The following PGLYRP4 variants were observed in gnomAD, a reference collection of about 807,000 sequenced individuals.
The protein encoded by PGLYRP4 is PGRP-I-beta.
Under a neutral mutation model 41.2 loss-of-function variants are expected in PGLYRP4, and 39 were observed. That is an observed-to-expected ratio of 0.95 (90% CI 0.73 to 1.24). The LOEUF is 1.24. PGLYRP4 is among the 50% of genes most tolerant of loss of function. The probability of loss-of-function intolerance (pLI) is 0.00; values close to 1 mark genes in which losing one functional copy is unlikely to be tolerated. For synonymous variants in PGLYRP4, 202 were observed against 186.8 expected (o/e 1.08, Z -0.66); for missense variants, 467 against 460.7 (o/e 1.01, Z -0.13).
At chr1:153,339,594 C>T (rs142767754) in intron 7 of PGLYRP4, among the ~76,000 whole-genome samples, 20 of 152,288 alleles carry the variant, frequency 1.3e-4, no homozygotes, top group South Asian at 4.1e-4. Context: ...TGGGGTCTAA[C>T]GCCGGATGTC....
chr1:153,334,160 T>C (rs925177417), intron 8 of PGLYRP4, among the ~76,000 whole-genome samples: 11 of 151,962 alleles, frequency 7.2e-5, no homozygotes, highest in African/African-American at 2.7e-4. Flanking sequence ...CCCTCAAGAC[T>C]CCTTCAAAAG....
In PGLYRP4 at chr1:153,347,980, TGA is replaced by T. The variant is rs1283170391; in HGVS notation, c.-46-4_-46-3del. The T allele has an allele frequency of 2.0e-6, 3 of 1,465,560 alleles. No individual in the cohort carries two copies. The highest frequency in any genetic ancestry group is 2.9e-6 in the Non-Finnish European group (3 of 1,049,630). 90.8% of individuals were successfully genotyped at this position (1,465,560 alleles called of 1,614,324 possible). On this transcript the variant is annotated splice_polypyrimidine_tract_variant and splice_region_variant and intron_variant, in intron 1 of 8. Transcript: ENST00000359650. Reference sequence around the variant, plus strand: ...AATCTGGAGAGTGTGGATGGCAGCCTGAGAGAGACGCTGACAGTTGTTAACAT... The same window carrying T: ...AATCTGGAGAGTGTGGATGGCAGCCTGAGAGACGCTGACAGTTGTTAACAT...
At chr1:153,344,953 C>T in intron 4 of PGLYRP4, 2 of 552,624 alleles carry the variant, frequency 3.6e-6, no homozygotes, top group Non-Finnish European at 6.5e-6. Flanking sequence ...TATTACTTAA[C>T]CTTCCTTGCT....
chr1:153,335,140 A>G (rs1660501720), intron 8 of PGLYRP4, among the ~76,000 whole-genome samples: 1 of 151,852 alleles, frequency 6.6e-6, no homozygotes, highest in Admixed American at 6.6e-5. Flanking sequence ...GCCTAGGCAA[A>G]GCATTTATGA....
In PGLYRP4 at chr1:153,345,179, C is replaced by G. The variant is rs761522051; in HGVS notation, c.343G>C (p.Val115Leu). 6.2e-7 allele frequency: 1 copy of G among 1,610,698 alleles called. No individual in the cohort carries two copies. The highest frequency in any genetic ancestry group is 8.5e-7 in the Non-Finnish European group (1 of 1,178,920). ...AGACCCAGCTCTTACTTGTAGGCCACATCACACCCACTGTTGTTGTGGACA... is the reference window on the plus strand; with the variant it reads ...AGACCCAGCTCTTACTTGTAGGCCAGATCACACCCACTGTTGTTGTGGACA... ...HHVHNNSGCDVAYNFLVGDDG... is the reference protein window; with the variant it reads ...HHVHNNSGCDLAYNFLVGDDG... Residue 115 changes from valine to leucine, a missense_variant, in exon 4 of 9, where the codon GTG (valine) becomes CTG (leucine). Transcript: ENST00000359650.
Position 153,337,170 on chromosome 1 carries a change from C to T in PGLYRP4, c.943+11G>A, listed in dbSNP as rs765495820. The T allele has an allele frequency of 6.5e-7, 1 of 1,549,702 alleles. No individual in the cohort carries two copies. Among genetic ancestry groups the T allele is most frequent in the South Asian group, 1.1e-5 (1 of 89,730 alleles). ...CATGCAATGACCCTACTGACCAAAG[C>T]ATCCACTTACCTGTGAAGGTGCCCA... On this transcript the variant is annotated intron_variant, in intron 8 of 8. Transcript: ENST00000359650.
chr1:153,347,319 G>A (rs768290436), intron 2 of PGLYRP4, among the ~76,000 whole-genome samples: 16 of 150,604 alleles, frequency 1.1e-4, no homozygotes, highest in Non-Finnish European at 2.1e-4. Context: ...GATTAGAGGC[G>A]TGAGCAACTG....
At chr1:153,335,285 A>C (rs1433209963) in intron 8 of PGLYRP4, among the ~76,000 whole-genome samples, 1 of 152,232 alleles carries the variant, frequency 6.6e-6, no homozygotes, top group Non-Finnish European at 1.5e-5. Flanking sequence ...AAATGTTTGC[A>C]AACTATGCAT....
intron 8 of PGLYRP4, among the ~76,000 whole-genome samples, chr1:153,336,186 C>T (rs1660552132): frequency 6.6e-6 from 1 of 151,588 alleles, no homozygotes; most frequent in Non-Finnish European, 1.5e-5. Context: ...GTCTGGCCAA[C>T]ATGATGAAAG....
Position 153,343,196 on chromosome 1 carries a change from C to A in PGLYRP4, c.366G>T (p.Gly122=). The A allele has an allele frequency of 6.2e-7, 1 of 1,612,014 alleles. No homozygotes were observed. ...GCDVAYNFLV[G]DDGRVYEGVG... ...CACCTTCATACACCCTGCCATCATC[C>A]CCAACCAGGAAGCTATGGAGCAAGA... Residue 122 remains glycine (G), a synonymous_variant, in exon 5 of 9, where the codon GGG becomes GGT. Transcript: ENST00000359650.
intron 5 of PGLYRP4, 76 bp downstream of exon 5, chr1:153,343,014 C>T (rs574106929): frequency 3.6e-6 from 3 of 827,468 alleles, no homozygotes; most frequent in East Asian, 2.5e-5. Context: ...TAGCAGATAG[C>T]TAGTTCCCAT....
rs767196047 is a variant in PGLYRP4, at chr1:153,340,523, T to C, written c.682A>G (p.Arg228Gly). The C allele has an allele frequency of 3.1e-6, 5 of 1,614,052 alleles. No homozygotes were observed. In the South Asian group the frequency reaches 5.5e-5, roughly 18 times the overall value. The change falls in exon 7 of 9, where the codon AGG becomes GGG. Residue 228 changes from arginine (R) to glycine (G), a missense_variant. Physicochemically the swap from Arg to Gly is moderately radical, Grantham distance 125. Coordinates refer to ENST00000359650, the MANE Select transcript of PGLYRP4 (RefSeq NM_020393.4). The part of the protein sequence containing the change: ...VWGARETHCP[R>G]MTLPAKYGII... ...CCATACTTCGCTGGGAGAGTCATCC[T>C]GGGACAGTGGGTCTCCCTGGCTCCC...
At chr1:153,332,935 G>A (rs929309641) in intron 8 of PGLYRP4, among the ~76,000 whole-genome samples, 1 of 135,658 alleles carries the variant, frequency 7.4e-6, no homozygotes, top group Non-Finnish European at 1.7e-5. Context: ...AAGATAGAAA[G>A]GTCTCAAATT....
intron 8 of PGLYRP4, among the ~76,000 whole-genome samples, chr1:153,336,286 G>A (rs985555673): frequency 7.4e-6 from 1 of 135,658 alleles, no homozygotes; most frequent in Non-Finnish European, 1.5e-5. Context: ...CCAGAGAATC[G>A]CTTGAACCCA....
chr1:153,340,963 T>C (rs1284967854), intron 6 of PGLYRP4, among the ~76,000 whole-genome samples: 1 of 152,208 alleles, frequency 6.6e-6, no homozygotes, highest in Non-Finnish European at 1.5e-5. Context: ...AAATTTACTG[T>C]TTTTGATGTT....
intron 4 of PGLYRP4, 177 bp downstream of exon 4, chr1:153,344,992 C>A: frequency 1.0e-5 from 6 of 594,084 alleles, no homozygotes; most frequent in Non-Finnish European, 1.8e-5. Flanking sequence ...GAGACAGGCA[C>A]CTCACAGAAA....
chr1:153,336,434 A>G (rs892808392), intron 8 of PGLYRP4, among the ~76,000 whole-genome samples: 10 of 151,844 alleles, frequency 6.6e-5, no homozygotes, highest in South Asian at 2.1e-4. Flanking sequence ...TTACAGCAAC[A>G]TAAGTGGAAA....
At position 153,346,164 on chromosome 1, in the gene PGLYRP4, G is replaced by A; in HGVS notation, c.77C>T (p.Ala26Val). 6.2e-7 allele frequency: 1 copy of A among 1,613,968 alleles called. No individual in the cohort carries two copies. Among genetic ancestry groups the A allele is most frequent in the South Asian group, 1.1e-5 (1 of 91,064 alleles). ...CTGGAGCCCCTCTGATACCTGTTTAGCTTGTGTTTTGTTCCAGGAGGAATC... is the reference window on the plus strand; with the variant it reads ...CTGGAGCCCCTCTGATACCTGTTTAACTTGTGTTTTGTTCCAGGAGGAATC... ...WGDSSWNKTQAKQVSEGLQYL... is the reference protein window; with the variant it reads ...WGDSSWNKTQVKQVSEGLQYL... Residue 26 changes from alanine (A) to valine (V), a missense_variant, in exon 3 of 9, where the codon GCT (alanine) becomes GTT (valine). Ala to Val is a moderately conservative substitution (Grantham distance 64). Coordinates refer to ENST00000359650, the MANE Select transcript of PGLYRP4 (RefSeq NM_020393.4).
intron 2 of PGLYRP4, 71 bp from the exon 3 acceptor site, chr1:153,346,262 C>T: frequency 1.8e-6 from 2 of 1,100,822 alleles, no homozygotes; most frequent in Middle Eastern, 2.2e-4. Flanking sequence ...CAGCTCTGAA[C>T]AGAAACAGCC....
Sources: gnomAD v4.1 joint callset for allele counts (sites outside exome capture counted in the v4.1 genomes callset) on GRCh38, gnomAD v4.1.1 for gene constraint, MANE v1.5 for transcripts, NCBI Gene and HGNC (gene_info 2026-07-23, HGNC 2026-07-21) for gene names.